The following ADAMTS16 variants were observed in gnomAD, a reference collection of about 807,000 sequenced individuals.
ADAMTS16 encodes ADAM metallopeptidase with thrombospondin type 1 motif 16.
Under a neutral mutation model 145.8 loss-of-function variants are expected in ADAMTS16, and 94 were observed. The ratio of observed to expected loss-of-function variants is 0.64; its 90% CI spans 0.55 to 0.77. ADAMTS16 has a LOEUF of 0.77. Among genes scored for constraint, ADAMTS16 ranks in the 30% least tolerant of loss-of-function variants. The probability of loss-of-function intolerance (pLI) is 0.00; values close to 1 mark genes in which losing one functional copy is unlikely to be tolerated. For missense variants in ADAMTS16, 1,585 were observed against 1,591.5 expected (o/e 1.00, Z 0.07); for synonymous variants, 659 against 604.3 (o/e 1.09, Z -1.33).
At chr5:5,183,586 C>T (rs921066855) in intron 4 of ADAMTS16, among the ~76,000 whole-genome samples, 2 of 152,176 alleles carry the variant, frequency 1.3e-5, no homozygotes, top group Admixed American at 6.5e-5. Context: ...AAGCAGACGC[C>T]ACAGTGGACC....
At chr5:5,183,027 C>G (rs1373529585) in intron 4 of ADAMTS16, among the ~76,000 whole-genome samples, 2 of 152,162 alleles carry the variant, frequency 1.3e-5, no homozygotes, top group African/African-American at 2.4e-5. Context: ...TGAATAGAGG[C>G]AGGCCTGTTG....
chr5:5,314,928 T>C (rs895419276), intron 21 of ADAMTS16, among the ~76,000 whole-genome samples: 2 of 152,230 alleles, frequency 1.3e-5, no homozygotes, highest in Non-Finnish European at 2.9e-5. Context: ...ACTGTGTTCA[T>C]TACTTATGTC....
intron 18 of ADAMTS16, among the ~76,000 whole-genome samples, chr5:5,282,491 C>T (rs1738958644): frequency 6.6e-6 from 1 of 152,160 alleles, no homozygotes; most frequent in Admixed American, 6.5e-5. Flanking sequence ...GCCCTCTCCT[C>T]ACTTAAATCC....
chr5:5,234,672 C>A (rs149904860), intron 12 of ADAMTS16, among the ~76,000 whole-genome samples: 52 of 152,194 alleles, frequency 3.4e-4, no homozygotes, highest in Non-Finnish European at 5.1e-4. Flanking sequence ...GAGATCAAGA[C>A]CATCCTAGCC....
intron 18 of ADAMTS16, among the ~76,000 whole-genome samples, chr5:5,266,751 C>T (rs1738252771): frequency 1.3e-5 from 2 of 152,170 alleles, no homozygotes; most frequent in South Asian, 4.1e-4. Flanking sequence ...TTCAACCAAA[C>T]CTCAGGTAGA....
intron 17 of ADAMTS16, among the ~76,000 whole-genome samples, chr5:5,245,564 C>A (rs1308666463): frequency 6.6e-6 from 1 of 152,098 alleles, no homozygotes; most frequent in African/African-American, 2.4e-5. Context: ...ACGTTTAAAT[C>A]ATCTTTTTCT....
intron 18 of ADAMTS16, among the ~76,000 whole-genome samples, chr5:5,276,674 C>T (rs774146213): frequency 3.9e-5 from 6 of 152,106 alleles, no homozygotes; most frequent in Middle Eastern, 3.2e-3. Flanking sequence ...GCTGGGCCAG[C>T]GAGCAGGAGA....
Position 5,161,863 on chromosome 5 carries a change from G to T in ADAMTS16, c.501+15408G>T, listed in dbSNP as rs182262206. The stretch of plus-strand genomic sequence containing the variant: ...TTCTGCTCCCTGTAACTAGATAATG[G>T]CTGGGGCAGGGGACAGGGACTGTGA... On this transcript the variant is annotated intron_variant, in intron 3 of 22. Coordinates refer to ENST00000274181, the MANE Select transcript of ADAMTS16 (RefSeq NM_139056.4). Among the ~76,000 whole-genome samples the T allele has an allele frequency of 2.4e-3, 365 of 152,278 alleles. 6 individuals are homozygous for T. Among genetic ancestry groups the T allele is most frequent in the Admixed American group, 0.023 (348 of 15,294 alleles).
intron 3 of ADAMTS16, among the ~76,000 whole-genome samples, chr5:5,164,879 T>C (rs1734829430): frequency 1.3e-5 from 2 of 152,134 alleles, no homozygotes; most frequent in Non-Finnish European, 2.9e-5. Flanking sequence ...GGTTTTGCCA[T>C]GTTAGTCAGG....
At chr5:5,185,620 G>A (rs1363890062) in intron 4 of ADAMTS16, among the ~76,000 whole-genome samples, 1 of 152,196 alleles carries the variant, frequency 6.6e-6, no homozygotes, top group Non-Finnish European at 1.5e-5. Flanking sequence ...ACATTGTCAA[G>A]TCGTTAAAAG....
intron 4 of ADAMTS16, among the ~76,000 whole-genome samples, chr5:5,185,119 A>G (rs2126566425): frequency 6.6e-6 from 1 of 152,298 alleles, no homozygotes; most frequent in East Asian, 1.9e-4. Context: ...TTAATGGCAA[A>G]TGAGTGCTCA....
At chr5:5,155,243 C>T (rs955354350) in intron 3 of ADAMTS16, among the ~76,000 whole-genome samples, 1 of 151,746 alleles carries the variant, frequency 6.6e-6, no homozygotes, top group African/African-American at 2.4e-5. Flanking sequence ...CCACAAGGAA[C>T]AGATAGGAAG....
chr5:5,262,873 C>A (rs921150482), intron 18 of ADAMTS16, 90 bp downstream of exon 18: 31 of 1,546,124 alleles, frequency 2.0e-5, no homozygotes, highest in Non-Finnish European at 2.5e-5. Context: ...GAGAGAAGTG[C>A]TGATTGCCAT....
chr5:5,273,606 C>T (rs1033091720), intron 18 of ADAMTS16, among the ~76,000 whole-genome samples: 5 of 152,178 alleles, frequency 3.3e-5, no homozygotes, highest in Non-Finnish European at 4.4e-5. Flanking sequence ...GTAGGAATGC[C>T]GTGGCTTGAA....
intron 18 of ADAMTS16, among the ~76,000 whole-genome samples, chr5:5,288,809 G>C (rs528909967): frequency 2.0e-4 from 30 of 152,300 alleles, no homozygotes; most frequent in Admixed American, 1.4e-3. Flanking sequence ...GAGCAATGCA[G>C]CATGGTGGAT....
chr5:5,186,282 G>A (rs774819732), intron 5 of ADAMTS16, 31 bp downstream of exon 5: 13 of 1,597,838 alleles, frequency 8.1e-6, no homozygotes, highest in Admixed American at 1.7e-5. Context: ...GAGGCCACCT[G>A]TGTCATTGCA....
intron 3 of ADAMTS16, among the ~76,000 whole-genome samples, chr5:5,151,214 TCTTATTTATTTATTTA>T (rs1734445364): frequency 1.5e-5 from 2 of 137,902 alleles, no homozygotes; most frequent in Admixed American, 8.3e-5. Flanking sequence ...ATTTCTTTTC[TCTTATTTATTTATTTA>T]TTTATTTATT....
At chr5:5,167,532 T>A (rs981054192) in intron 3 of ADAMTS16, among the ~76,000 whole-genome samples, 2 of 152,276 alleles carry the variant, frequency 1.3e-5, no homozygotes, top group African/African-American at 4.8e-5. Context: ...CAAAGCAGTC[T>A]TATTGATTAA....
At chr5:5,292,946 C>T (rs1286622038) in intron 18 of ADAMTS16, among the ~76,000 whole-genome samples, 1 of 152,192 alleles carries the variant, frequency 6.6e-6, no homozygotes, top group Admixed American at 6.5e-5. Context: ...ACAGGGATAA[C>T]AGGCATTCCC....
Sources: gnomAD v4.1 joint callset for allele counts (sites outside exome capture counted in the v4.1 genomes callset) on GRCh38, gnomAD v4.1.1 for gene constraint, MANE v1.5 for transcripts, NCBI Gene and HGNC (gene_info 2026-07-23, HGNC 2026-07-21) for gene names.